PABPC4L: variants seen among roughly 807,000 people sequenced by gnomAD.
PABPC4L encodes the protein polyadenylate-binding protein 4-like.
For synonymous variants in PABPC4L, 169 were observed against 164.1 expected (o/e 1.03, Z -0.23); for missense variants, 452 against 451.4 (o/e 1.00, Z -0.01).
At chr4:134,116,664 G>A in the PABPC4L span, among the ~76,000 whole-genome samples, 1 of 151,524 alleles carries the variant, frequency 6.6e-6, no homozygotes, top group African/African-American at 2.4e-5. Flanking sequence ...TGTTAGGCAA[G>A]AACAGAATAA....
At chr4:134,026,731 C>T in the PABPC4L span, among the ~76,000 whole-genome samples, 2 of 152,002 alleles carry the variant, frequency 1.3e-5, no homozygotes, top group Non-Finnish European at 2.9e-5. Context: ...AGGTCATTAG[C>T]GTGAGCTCCA....
chr4:134,199,753 A>T lies in PABPC4L; in HGVS notation c.*154T>A. 1.0e-6 allele frequency: 1 copy of T among 962,172 alleles called. No individual in the cohort carries two copies. The highest frequency in any genetic ancestry group is 1.5e-6 in the Non-Finnish European group (1 of 682,708). The allele number at this position is 962,172 out of a possible 1,614,324, so 59.6% of individuals were successfully genotyped here. On this transcript the variant is annotated 3_prime_UTR_variant, in exon 2 of 2. Transcript: ENST00000421491. ...ATCTATTTTTCCACAAAAGAAAAAA[A>T]ATGGCTTTGTATAAAAAACGTTTTA...
chr4:134,104,443 A>G, the PABPC4L span, among the ~76,000 whole-genome samples: 2 of 151,140 alleles, frequency 1.3e-5, no homozygotes, highest in Non-Finnish European at 3.0e-5. Context: ...CACCTACTAC[A>G]TACAGCAGAA....
the PABPC4L span, among the ~76,000 whole-genome samples, chr4:133,950,761 A>T: frequency 1.3e-5 from 2 of 152,190 alleles, no homozygotes; most frequent in African/African-American, 4.8e-5. Context: ...TACATCCATA[A>T]GCCTATTGAC....
chr4:133,993,499 G>T, the PABPC4L span, among the ~76,000 whole-genome samples: 1 of 152,040 alleles, frequency 6.6e-6, no homozygotes, highest in African/African-American at 2.4e-5. Context: ...AGTGAGAATT[G>T]GTATCAACAG....
the PABPC4L span, among the ~76,000 whole-genome samples, chr4:134,041,594 G>A: frequency 9.2e-5 from 14 of 152,094 alleles, no homozygotes; most frequent in Non-Finnish European, 1.5e-4. Flanking sequence ...GGAGGCTGGG[G>A]AAGGGATAGC....
At chr4:134,081,544 G>A in the PABPC4L span, among the ~76,000 whole-genome samples, 1 of 152,126 alleles carries the variant, frequency 6.6e-6, no homozygotes, top group Non-Finnish European at 1.5e-5. Flanking sequence ...GCTCAGGACT[G>A]AGGCCTTTTT....
chr4:134,049,284 G>C, the PABPC4L span, among the ~76,000 whole-genome samples: 2 of 151,994 alleles, frequency 1.3e-5, no homozygotes, highest in African/African-American at 4.8e-5. Context: ...CACACCAATA[G>C]TAGTAACTTA....
chr4:134,137,524 T>A, the PABPC4L span, among the ~76,000 whole-genome samples: 1 of 151,950 alleles, frequency 6.6e-6, no homozygotes, highest in South Asian at 2.1e-4. Context: ...CAAACGGCAT[T>A]CTTAACCTGA....
At chr4:134,079,764 T>C in the PABPC4L span, among the ~76,000 whole-genome samples, 3 of 151,826 alleles carry the variant, frequency 2.0e-5, no homozygotes, top group Admixed American at 6.6e-5. Flanking sequence ...TGAAATCTCA[T>C]CTTACTGAAC....
chr4:134,109,999 C>T, the PABPC4L span, among the ~76,000 whole-genome samples: 2 of 152,000 alleles, frequency 1.3e-5, no homozygotes, highest in Non-Finnish European at 2.9e-5. Flanking sequence ...CCTAACAATG[C>T]AATTATGTCA....
At chr4:134,090,679 C>T in the PABPC4L span, among the ~76,000 whole-genome samples, 94 of 151,966 alleles carry the variant, frequency 6.2e-4, 1 homozygote, top group African/African-American at 2.1e-3. Flanking sequence ...AAAAGGATTG[C>T]CTGAGCCCAG....
At chr4:133,956,136 TTTAAA>T in the PABPC4L span, among the ~76,000 whole-genome samples, 1 of 152,138 alleles carries the variant, frequency 6.6e-6, no homozygotes, top group African/African-American at 2.4e-5. Context: ...GAAAAACAAA[TTTAAA>T]TTAATTTTGC....
At chr4:134,028,682 A>C in the PABPC4L span, among the ~76,000 whole-genome samples, 1 of 152,132 alleles carries the variant, frequency 6.6e-6, no homozygotes, top group Non-Finnish European at 1.5e-5. Context: ...AAAGCAGAAC[A>C]ATGTTAGCAT....
At chr4:133,954,093 G>T in the PABPC4L span, among the ~76,000 whole-genome samples, 1 of 152,186 alleles carries the variant, frequency 6.6e-6, no homozygotes, top group Non-Finnish European at 1.5e-5. Flanking sequence ...TTCTTACATT[G>T]TTCTAATTCT....
chr4:134,164,131 C>T, the PABPC4L span, among the ~76,000 whole-genome samples: 33 of 149,676 alleles, frequency 2.2e-4, no homozygotes, highest in East Asian at 9.8e-4. Flanking sequence ...GGCGTAGTGG[C>T]GGGCGCCTGT....
At chr4:134,152,140 TC>T in the PABPC4L span, among the ~76,000 whole-genome samples, 1 of 151,866 alleles carries the variant, frequency 6.6e-6, no homozygotes, top group Non-Finnish European at 1.5e-5. Flanking sequence ...ACTATTTTTC[TC>T]CTGTGGTTTA....
the PABPC4L span, among the ~76,000 whole-genome samples, chr4:134,033,333 C>T: frequency 1.3e-5 from 2 of 151,754 alleles, no homozygotes; most frequent in African/African-American, 2.4e-5. Flanking sequence ...CCTCTAGCCT[C>T]CCCATTCCCT....
chr4:134,033,916 A>G, the PABPC4L span, among the ~76,000 whole-genome samples: 2 of 152,040 alleles, frequency 1.3e-5, no homozygotes, highest in African/African-American at 4.8e-5. Flanking sequence ...AGCTAAGATA[A>G]TTGATAAAGG....
Sources: gnomAD v4.1 joint callset for allele counts (sites outside exome capture counted in the v4.1 genomes callset) on GRCh38, gnomAD v4.1.1 for gene constraint, MANE v1.5 for transcripts, NCBI Gene and HGNC (gene_info 2026-07-23, HGNC 2026-07-21) for gene names.